PPIG: variants seen among roughly 807,000 people sequenced by gnomAD.
The protein encoded by PPIG is peptidylprolyl isomerase G, also known as peptidyl-prolyl cis-trans isomerase G.
PPIG carries 26 observed loss-of-function variants against 87.9 expected under a neutral mutation model. The ratio of observed to expected loss-of-function variants is 0.30; its 90% CI spans 0.22 to 0.41. The LOEUF (loss-of-function observed/expected upper bound fraction) is 0.41. PPIG is among the 10% of genes least tolerant of loss of function. The probability of loss-of-function intolerance (pLI) is 1.00; values close to 1 mark genes in which losing one functional copy is unlikely to be tolerated. For synonymous variants in PPIG, 308 were observed against 276.5 expected, an observed-to-expected ratio of 1.11 and a Z score of -1.13; for missense variants, 722 against 879.4, an observed-to-expected ratio of 0.82 and a Z score of 2.26.
At position 169,618,552 on chromosome 2, in the gene PPIG, G is replaced by A. The variant is rs190305079; in HGVS notation, c.547+3828G>A. ...CAGCACTTGTTATTGGTCTATTCAGGGATTCGACTTCTTCCTGGTTTAGTC... is the reference window on the plus strand; with the variant it reads ...CAGCACTTGTTATTGGTCTATTCAGAGATTCGACTTCTTCCTGGTTTAGTC... On this transcript the variant is annotated intron_variant, in intron 9 of 13. Transcript: ENST00000260970. Among the ~76,000 whole-genome samples, 1,495 of 152,146 alleles carry A rather than the reference G, an allele frequency of 9.8e-3. 12 individuals are homozygous for A. The highest frequency in any genetic ancestry group is 0.015 in the South Asian group (73 of 4,828).
intron 1 of PPIG, among the ~76,000 whole-genome samples, chr2:169,589,371 G>A (rs1684797956): frequency 6.6e-6 from 1 of 152,134 alleles, no homozygotes; most frequent in Non-Finnish European, 1.5e-5. Context: ...CTTGGCATTT[G>A]TAAATATACT....
intron 7 of PPIG, among the ~76,000 whole-genome samples, 198 bp downstream of exon 7, chr2:169,608,956 C>T (rs775950131): frequency 1.3e-5 from 2 of 151,620 alleles, no homozygotes; most frequent in African/African-American, 2.4e-5. Context: ...TGGTGTCGGA[C>T]GCCTGTAGTC....
chr2:169,631,541 A>T (rs893845301), intron 10 of PPIG: 27 of 1,283,852 alleles, frequency 2.1e-5, no homozygotes, highest in Non-Finnish European at 2.4e-5. Flanking sequence ...GTAGGAAAAT[A>T]TTTTTTGAGA....
In PPIG at chr2:169,619,751, C is replaced by CT. The variant is rs199701728; in HGVS notation, c.547+5037dup. On this transcript the variant is annotated intron_variant, in intron 9 of 13. Coordinates refer to ENST00000260970, the MANE Select transcript of PPIG (RefSeq NM_004792.3). ...TTCTTCACATCCTCTCCCTTGTTTT[C>CT]TTTTTTTTTTATAATAGCCATTGTA... Among the ~76,000 whole-genome samples the CT allele has an allele frequency of 5.4e-3, 805 of 148,164 alleles. 3 individuals are homozygous for CT. The highest frequency in any genetic ancestry group is 0.015 in the African/African-American group (615 of 40,606).
At chr2:169,630,295 T>C (rs1686009012) in intron 9 of PPIG, among the ~76,000 whole-genome samples, 1 of 152,140 alleles carries the variant, frequency 6.6e-6, no homozygotes, top group Non-Finnish European at 1.5e-5. Context: ...CTAAATTTCT[T>C]AATTATTAGA....
chr2:169,628,835 A>G (rs1685961653), intron 9 of PPIG, among the ~76,000 whole-genome samples: 1 of 150,812 alleles, frequency 6.6e-6, no homozygotes, highest in African/African-American at 2.4e-5. Context: ...GTTTCCAGTT[A>G]CTCAGGAGGC....
At chr2:169,601,561 A>G (rs1171467797) in intron 1 of PPIG, among the ~76,000 whole-genome samples, 4 of 152,220 alleles carry the variant, frequency 2.6e-5, no homozygotes, top group Non-Finnish European at 5.9e-5. Flanking sequence ...GTGATACTTG[A>G]GCAACAAAGG....
At chr2:169,584,788 A>G in intron 1 of PPIG, 1 of 296,618 alleles carries the variant, frequency 3.4e-6, no homozygotes, top group Non-Finnish European at 6.5e-6. Flanking sequence ...TCCCTCACTG[A>G]CGCATTTTGC....
intron 1 of PPIG, 139 bp downstream of exon 1, chr2:169,584,629 C>T (rs970840279): frequency 2.4e-6 from 1 of 421,498 alleles, no homozygotes; most frequent in Non-Finnish European, 4.6e-6. Context: ...CTCGAGGTAT[C>T]GGGGCTGCTT....
intron 9 of PPIG, among the ~76,000 whole-genome samples, chr2:169,622,094 C>T (rs1458799995): frequency 6.6e-6 from 1 of 151,924 alleles, no homozygotes; most frequent in African/African-American, 2.4e-5. Context: ...AAGGATGCTG[C>T]GTGGTTTATA....
At chr2:169,600,532 C>T (rs1685151542) in intron 1 of PPIG, among the ~76,000 whole-genome samples, 1 of 152,138 alleles carries the variant, frequency 6.6e-6, no homozygotes, top group African/African-American at 2.4e-5. Flanking sequence ...ATCCAAAATG[C>T]TCCAATGAGC....
At chr2:169,591,877 C>T (rs1029536263) in intron 1 of PPIG, among the ~76,000 whole-genome samples, 1 of 148,886 alleles carries the variant, frequency 6.7e-6, no homozygotes, top group East Asian at 2.0e-4. Context: ...TACTACTACA[C>T]TGAAAATTTT....
chr2:169,593,126 GTATA>G (rs35247968), intron 1 of PPIG, among the ~76,000 whole-genome samples: 4 of 149,422 alleles, frequency 2.7e-5, no homozygotes, highest in Non-Finnish European at 4.5e-5. Context: ...GACTGTGTGT[GTATA>G]TATATATATA....
chr2:169,597,752 A>G (rs1011095885), intron 1 of PPIG, among the ~76,000 whole-genome samples: 4 of 150,918 alleles, frequency 2.7e-5, no homozygotes, highest in African/African-American at 9.7e-5. Flanking sequence ...ACTTGCCTTG[A>G]CCTCCCAAAG....
intron 9 of PPIG, among the ~76,000 whole-genome samples, chr2:169,621,776 G>T (rs1060837): frequency 6.6e-6 from 1 of 150,384 alleles, no homozygotes; most frequent in African/African-American, 2.4e-5. Context: ...GGACACTTGT[G>T]TTAGGATCTG....
Position 169,631,774 on chromosome 2 carries a change from G to A in PPIG, c.770G>A (p.Ser257Asn), listed in dbSNP as rs571046605. Residue 257 changes from serine (S) to asparagine (N), a missense_variant, in exon 11 of 14, where the codon AGT becomes AAT. Ser to Asn is a conservative substitution (Grantham distance 46). This residue lies in a region of PPIG where 142 missense variants were observed against 152.8 expected (regional missense o/e 0.93). Transcript: ENST00000260970. ...KRKKSKKSAS[S>N]ESEAENLEAQ... ...TGTTTCTGTCTGTTAAGTGCATCTA[G>A]TGAGAGTGAAGCTGAAAATCTTGAA... is the stretch of plus-strand genomic sequence containing the variant. 4.3e-6 allele frequency: 7 copies of A among 1,613,890 alleles called. No individual in the cohort carries two copies. In the African/African-American group the frequency reaches 6.7e-5, roughly 15 times the overall value.
At position 169,636,154 on chromosome 2, in the gene PPIG, A is replaced by G; in HGVS notation, c.1080A>G (p.Pro360=). The change falls in exon 13 of 14, where the codon CCA becomes CCG. Residue 360 remains proline (P), a synonymous_variant. Transcript: ENST00000260970. ...GTTTCAGACGTAGTGAGACTCCTCC[A>G]CATTGGAGGCAAGAGATGCAGAGAG... ...RDRFRRSETP[P]HWRQEMQRAQ... is the part of the protein sequence containing the mutation. The G allele has an allele frequency of 6.2e-7, 1 of 1,613,090 alleles. No homozygotes were observed. The highest frequency in any genetic ancestry group is 8.5e-7 in the Non-Finnish European group (1 of 1,179,606).
intron 1 of PPIG, among the ~76,000 whole-genome samples, chr2:169,602,033 A>G (rs1257030723): frequency 1.3e-5 from 2 of 152,214 alleles, no homozygotes; most frequent in African/African-American, 4.8e-5. Context: ...GAGCATCACA[A>G]TTGAAAATTT....
chr2:169,585,270 C>CT lies in PPIG; in HGVS notation c.-70+789dup, dbSNP rs1553542345. 4.5e-4 allele frequency among the ~76,000 whole-genome samples: 54 copies of CT among 118,760 alleles called. 4 individuals carry two copies. The South Asian group carries it at 9.3e-3, about 20-fold the overall frequency. The allele number at this position is 118,760 out of a possible 152,430, so 77.9% of individuals were successfully genotyped here. A position where few individuals can be genotyped will look rare whatever the true frequency, so the allele number is the denominator to read the frequency against. ...TATGCTAATTTGGTTCTTGGTTAGT[C>CT]TTTTTTTTTGAGACGGAGTCTCGCT... On this transcript the variant is annotated intron_variant, in intron 1 of 13. Coordinates refer to ENST00000260970, the MANE Select transcript of PPIG (RefSeq NM_004792.3).
Sources: allele counts gnomAD v4.1 joint callset (sites outside exome capture counted in the v4.1 genomes callset), GRCh38; gene constraint gnomAD v4.1.1; regional missense constraint gnomAD v4.1.1; transcripts MANE v1.5; gene names NCBI Gene and HGNC (gene_info 2026-07-23, HGNC 2026-07-21).